Variants in STXBP5L observed in about 807,000 individuals in gnomAD.
STXBP5L encodes the protein syntaxin binding protein 5L, also known as syntaxin-binding protein 5-like.
A neutral mutation model predicts 144.5 loss-of-function variants in STXBP5L; 65 were observed. The ratio of observed to expected loss-of-function variants is 0.45; its 90% CI spans 0.37 to 0.55. The LOEUF is 0.55. Among genes scored for constraint, STXBP5L ranks in the 20% least tolerant of loss-of-function variants. The probability of loss-of-function intolerance (pLI) is 0.00; values close to 1 mark genes in which losing one functional copy is unlikely to be tolerated. For synonymous variants in STXBP5L, 505 were observed against 469.6 expected (o/e 1.08, Z -0.97); for missense variants, 1,298 against 1,405.5 (o/e 0.92, Z 1.22).
intron 12 of STXBP5L, among the ~76,000 whole-genome samples, chr3:121,236,660 ATTC>A (rs1377667743): frequency 2.6e-5 from 4 of 152,228 alleles, no homozygotes; most frequent in Non-Finnish European, 5.9e-5. Flanking sequence ...CGATCATAGC[ATTC>A]TTCACCTGAA....
chr3:121,359,754 C>T (rs1022594735), intron 20 of STXBP5L, among the ~76,000 whole-genome samples: 4 of 151,496 alleles, frequency 2.6e-5, no homozygotes, highest in African/African-American at 7.3e-5. Flanking sequence ...ATGAGCTCAC[C>T]GTAGGTGTGT....
At chr3:121,335,861 A>G (rs1173516651) in intron 20 of STXBP5L, among the ~76,000 whole-genome samples, 1 of 152,222 alleles carries the variant, frequency 6.6e-6, no homozygotes, top group Admixed American at 6.5e-5. Context: ...AGAAACCGGC[A>G]AAGATTTCAT....
chr3:121,371,105 C>G (rs1487590668), intron 20 of STXBP5L, among the ~76,000 whole-genome samples: 1 of 152,204 alleles, frequency 6.6e-6, no homozygotes, highest in Non-Finnish European at 1.5e-5. Flanking sequence ...GGTCGGAGTT[C>G]TTGCAGTAGT....
At chr3:121,051,509 A>G (rs1191439541) in intron 5 of STXBP5L, among the ~76,000 whole-genome samples, 1 of 152,278 alleles carries the variant, frequency 6.6e-6, no homozygotes, top group African/African-American at 2.4e-5. Context: ...CGAAAAGAAG[A>G]CAGAAATAAA....
intron 3 of STXBP5L, among the ~76,000 whole-genome samples, chr3:121,008,189 A>G (rs1264691815): frequency 6.6e-6 from 1 of 151,920 alleles, no homozygotes; most frequent in Non-Finnish European, 1.5e-5. Context: ...TCGACGCCTC[A>G]ATAATAAGCT....
chr3:120,924,912 G>T (rs1204386343), intron 2 of STXBP5L: 2 of 152,236 alleles, frequency 1.3e-5, no homozygotes, highest in African/African-American at 2.4e-5. Flanking sequence ...GGGTTTCACC[G>T]TGTTAGCCAG....
chr3:121,041,963 A>G (rs1688680), intron 4 of STXBP5L, among the ~76,000 whole-genome samples, 182 bp downstream of exon 4: 32,426 of 152,074 alleles, frequency 0.21, 3,676 homozygotes, highest in Non-Finnish European at 0.26. Context: ...TAAATTTTAA[A>G]GAAAAAAGAT....
intron 3 of STXBP5L, among the ~76,000 whole-genome samples, chr3:120,956,746 G>C: frequency 6.6e-6 from 1 of 151,834 alleles, no homozygotes. Context: ...TTGAGGAACT[G>C]TCATTCTGTT....
chr3:121,013,504 G>T (rs182127763), intron 3 of STXBP5L, among the ~76,000 whole-genome samples: 66 of 152,008 alleles, frequency 4.3e-4, no homozygotes, highest in African/African-American at 1.6e-3. Context: ...TTGGATAAGT[G>T]TCTGTTCATG....
intron 9 of STXBP5L, among the ~76,000 whole-genome samples, chr3:121,184,227 C>A (rs989172232): frequency 6.6e-6 from 1 of 151,890 alleles, no homozygotes; most frequent in Admixed American, 6.6e-5. Flanking sequence ...GATGAACCGA[C>A]AGAAGTAGGC....
Position 121,347,582 on chromosome 3 carries a change from A to T in STXBP5L, c.2176+29042A>T, listed in dbSNP as rs555071162. On this transcript the variant is annotated intron_variant, in intron 20 of 26. Transcript: ENST00000471454. ...CATTTTCACGATATTGATTCTTCCTACCCATGAGCATGGAATGTTCTTCCA... is the reference window on the plus strand; with the variant it reads ...CATTTTCACGATATTGATTCTTCCTTCCCATGAGCATGGAATGTTCTTCCA... Among the ~76,000 whole-genome samples the T allele has an allele frequency of 3.9e-5, 6 of 152,240 alleles. 1 individual carries two copies. The South Asian group carries it at 1.2e-3, about 32-fold the overall frequency.
intron 5 of STXBP5L, among the ~76,000 whole-genome samples, chr3:121,096,620 T>C (rs376960742): frequency 7.2e-5 from 11 of 152,140 alleles, no homozygotes; most frequent in African/African-American, 2.2e-4. Flanking sequence ...GGCTGGAGTT[T>C]GCTGGAGGTC....
intron 5 of STXBP5L, among the ~76,000 whole-genome samples, chr3:121,097,840 C>T (rs1297315631): frequency 6.6e-6 from 1 of 152,128 alleles, no homozygotes; most frequent in African/African-American, 2.4e-5. Context: ...GAAATGTGAT[C>T]TAATACAATG....
chr3:121,280,997 T>A (rs1234685378), intron 19 of STXBP5L, among the ~76,000 whole-genome samples: 3 of 151,352 alleles, frequency 2.0e-5, no homozygotes, highest in Non-Finnish European at 4.4e-5. Context: ...AATAATTTAT[T>A]GAATATTGAT....
At position 121,415,966 on chromosome 3, in the gene STXBP5L, T is replaced by C. The variant is rs1352142863; in HGVS notation, c.3224T>C (p.Leu1075Pro). ...GGACAAACATTTGACAGAGAAGAGC[T>C]CTGTGAGTAAATTCCTGATTATAGA... ...GSGQTFDREE[L>P]FGEASAGKAS... is the part of the protein sequence containing the mutation. The change falls in exon 25 of 27, where the codon CTC (leucine) becomes CCC (proline). Residue 1075 changes from leucine (L) to proline (P), a missense_variant and splice_region_variant. Coordinates refer to ENST00000471454, the MANE Select transcript of STXBP5L (RefSeq NM_001308330.2). 1.9e-6 allele frequency: 3 copies of C among 1,611,178 alleles called. No individual in the cohort carries two copies. The highest frequency in any genetic ancestry group is 2.5e-6 in the Non-Finnish European group (3 of 1,178,280).
At chr3:121,014,591 T>C (rs1265925861) in intron 3 of STXBP5L, among the ~76,000 whole-genome samples, 1 of 149,640 alleles carries the variant, frequency 6.7e-6, no homozygotes, top group Non-Finnish European at 1.5e-5. Flanking sequence ...ATCTTTTGGC[T>C]ATTATGAATA....
intron 5 of STXBP5L, among the ~76,000 whole-genome samples, chr3:121,050,489 T>A (rs540694215): frequency 5.5e-4 from 83 of 152,208 alleles, no homozygotes; most frequent in Middle Eastern, 3.4e-3. Flanking sequence ...AAACTAAGCT[T>A]CATAATTGAA....
intron 3 of STXBP5L, among the ~76,000 whole-genome samples, chr3:120,973,383 AT>A (rs1329632883): frequency 4.0e-5 from 6 of 149,670 alleles, no homozygotes; most frequent in Non-Finnish European, 7.4e-5. Context: ...GTCTCTGGTG[AT>A]TTTTTTTTGC....
intron 3 of STXBP5L, among the ~76,000 whole-genome samples, chr3:121,033,246 A>C (rs1281053687): frequency 7.2e-6 from 1 of 138,160 alleles, no homozygotes; most frequent in Non-Finnish European, 1.5e-5. Flanking sequence ...CAGCCATAAA[A>C]AATGATGAGT....
Sources: allele counts gnomAD v4.1 joint callset (sites outside exome capture counted in the v4.1 genomes callset), GRCh38; gene constraint gnomAD v4.1.1; transcripts MANE v1.5; gene names NCBI Gene and HGNC (gene_info 2026-07-23, HGNC 2026-07-21).